Variants in SHLD2 observed in about 807,000 individuals in gnomAD.
The protein encoded by SHLD2 is RINN1-REV7-interacting novel NHEJ regulator 2.
A neutral mutation model predicts 73.2 loss-of-function variants in SHLD2; 30 were observed. The observed-to-expected ratio is 0.41, with a 90% CI of 0.31 to 0.56. The LOEUF is 0.56. Among genes scored for constraint, SHLD2 ranks in the 20% least tolerant of loss-of-function variants. SHLD2 has a pLI of 0.28. For missense variants in SHLD2, 745 were observed against 1,055.9 expected, an observed-to-expected ratio of 0.71 and a Z score of 4.08; for synonymous variants, 285 against 370.1, an observed-to-expected ratio of 0.77 and a Z score of 2.64.
upstream of SHLD2, chr10:87,094,795 G>T: frequency 6.6e-7 from 1 of 1,513,092 alleles, no homozygotes; most frequent in Non-Finnish European, 8.9e-7. This position sits in a 1 kb window ranked among gnomAD's most constrained non-coding sequence, Gnocchi z 6.6. Context: ...GGAGGTGCGT[G>T]ATGGTCGCGA....
Position 87,101,621 on chromosome 10 carries a change from A to T in SHLD2, c.-6+4632A>T, listed in dbSNP as rs1842271039. Among the ~76,000 whole-genome samples, 8 of 152,316 alleles carry T rather than the reference A, an allele frequency of 5.3e-5. No individual in the cohort carries two copies. In the South Asian group the frequency reaches 1.7e-3, roughly 32 times the overall value. ...CACTGTGAATATATCGAATTACAAT[A>T]GTTTAGGCTGGGCATGGTGGCTCAC... is the stretch of plus-strand genomic sequence containing the variant. On this transcript the variant is annotated intron_variant, in intron 2 of 9. Transcript: ENST00000298786.
intron 6 of SHLD2, among the ~76,000 whole-genome samples, chr10:87,172,931 A>C (rs1476153226): frequency 6.6e-6 from 1 of 151,888 alleles, no homozygotes; most frequent in African/African-American, 2.4e-5. Flanking sequence ...TTATACCTTT[A>C]GTTTGAATTT....
At chr10:87,143,278 G>A (rs1564594474) in intron 2 of SHLD2, among the ~76,000 whole-genome samples, 1 of 152,028 alleles carries the variant, frequency 6.6e-6, no homozygotes, top group Non-Finnish European at 1.5e-5. Context: ...TGGATGGGGA[G>A]GTGAAGTGTG....
intron 2 of SHLD2, among the ~76,000 whole-genome samples, chr10:87,099,667 C>T (rs1842141074): frequency 6.6e-6 from 1 of 152,174 alleles, no homozygotes; most frequent in African/African-American, 2.4e-5. Context: ...TGCGTTTATA[C>T]CTAGGAATGG....
intron 2 of SHLD2, among the ~76,000 whole-genome samples, chr10:87,102,733 T>A (rs1164530905): frequency 2.0e-5 from 3 of 152,028 alleles, no homozygotes; most frequent in Non-Finnish European, 2.9e-5. Context: ...AAAAAATTTT[T>A]AAAAATTGTT....
intron 2 of SHLD2, among the ~76,000 whole-genome samples, chr10:87,114,856 T>C (rs1843146215): frequency 2.0e-5 from 3 of 152,166 alleles, no homozygotes; most frequent in East Asian, 1.9e-4. Flanking sequence ...TAGTTTGATA[T>C]GAGAGGTGAG....
intron 6 of SHLD2, among the ~76,000 whole-genome samples, chr10:87,174,969 T>G (rs61858938): frequency 6.6e-6 from 1 of 151,680 alleles, no homozygotes; most frequent in Non-Finnish European, 1.5e-5. Flanking sequence ...CAAAAAAATT[T>G]AGCCGGGCGT....
At chr10:87,148,261 TAATGTTG>T (rs1259574551) in intron 2 of SHLD2, among the ~76,000 whole-genome samples, 2 of 152,226 alleles carry the variant, frequency 1.3e-5, no homozygotes, top group African/African-American at 2.4e-5. Context: ...GCCCAGCACG[TAATGTTG>T]AATGTTTGTT....
chr10:87,111,103 A>G (rs1490089515), intron 2 of SHLD2, among the ~76,000 whole-genome samples: 1 of 151,980 alleles, frequency 6.6e-6, no homozygotes, highest in Non-Finnish European at 1.5e-5. Context: ...TGGCCTCCCA[A>G]CGTGCTGGGA....
In SHLD2 at chr10:87,152,054, C is replaced by T. The variant is rs762983981; in HGVS notation, c.700C>T (p.Leu234Phe). The T allele has an allele frequency of 1.9e-6, 3 of 1,611,838 alleles. No individual in the cohort carries two copies. The highest frequency in any genetic ancestry group is 1.7e-6 in the Non-Finnish European group (2 of 1,179,796). The change falls in exon 3 of 10, where the codon CTT becomes TTT. Residue 234 changes from leucine to phenylalanine, a missense_variant. Coordinates refer to ENST00000298786, the MANE Select transcript of SHLD2 (RefSeq NM_001330112.2). ...AGCAGCAGTTAGGAAGGTCTCAGAC[C>T]TTAAAATATCAACTGATACAGAATT... ...SEAAVRKVSD[L>F]KISTDTEFLS...
rs1439014637 is a variant in SHLD2 at position 87,112,121 on chromosome 10, C to T, written c.-6+15132C>T. On this transcript the variant is annotated intron_variant, in intron 2 of 9. Transcript: ENST00000298786. ...GGTGTAGTGGCGGGTGCCTGTAGTCCCAGCTACTCGGGAGGCTGAGGCAGG... is the reference window on the plus strand; with the variant it reads ...GGTGTAGTGGCGGGTGCCTGTAGTCTCAGCTACTCGGGAGGCTGAGGCAGG... 4.6e-5 allele frequency among the ~76,000 whole-genome samples: 7 copies of T among 151,386 alleles called. No homozygotes were observed. The East Asian group carries it at 9.8e-4, about 21-fold the overall frequency.
intron 2 of SHLD2, among the ~76,000 whole-genome samples, chr10:87,143,232 C>T (rs1305531785): frequency 6.6e-6 from 1 of 152,068 alleles, no homozygotes; most frequent in Non-Finnish European, 1.5e-5. Flanking sequence ...AGCCACTATG[C>T]GTGGCCAAAT....
At chr10:87,132,764 A>G (rs1223293667) in intron 2 of SHLD2, among the ~76,000 whole-genome samples, 1 of 151,904 alleles carries the variant, frequency 6.6e-6, no homozygotes, top group Non-Finnish European at 1.5e-5. Context: ...ACAGGACAAG[A>G]CCCTGTCTCA....
chr10:87,121,160 T>G (rs1309959457), intron 2 of SHLD2, among the ~76,000 whole-genome samples: 1 of 152,206 alleles, frequency 6.6e-6, no homozygotes, highest in African/African-American at 2.4e-5. Flanking sequence ...GGTCTTACTC[T>G]GTGGCCCAGG....
chr10:87,129,036 G>A (rs1232234934), intron 2 of SHLD2, among the ~76,000 whole-genome samples: 2 of 152,056 alleles, frequency 1.3e-5, no homozygotes, highest in African/African-American at 2.4e-5. Context: ...CTACCCAGTA[G>A]CTGGAATTAC....
At chr10:87,094,794 T>C (rs767074206), upstream of SHLD2, 7 of 1,514,808 alleles carry the variant, frequency 4.6e-6, no homozygotes, top group African/African-American at 2.9e-5. This position sits in a 1 kb window ranked among gnomAD's most constrained non-coding sequence, Gnocchi z 6.6. Context: ...GGGAGGTGCG[T>C]GATGGTCGCG....
chr10:87,156,989 G>C (rs1846477635), intron 3 of SHLD2, among the ~76,000 whole-genome samples: 1 of 152,320 alleles, frequency 6.6e-6, no homozygotes, highest in East Asian at 1.9e-4. Context: ...TAAAACAGTA[G>C]TAGTGGTGGG....
intron 2 of SHLD2, among the ~76,000 whole-genome samples, chr10:87,102,879 A>G (rs1055451582): frequency 2.6e-5 from 4 of 151,908 alleles, no homozygotes; most frequent in African/African-American, 9.7e-5. Context: ...TTTTAAAGAG[A>G]TTACTTTTTC....
intron 4 of SHLD2, among the ~76,000 whole-genome samples, chr10:87,162,520 C>T (rs1301416433): frequency 6.6e-6 from 1 of 151,948 alleles, no homozygotes; most frequent in African/African-American, 2.4e-5. Flanking sequence ...ATAGTGAGAC[C>T]CTGTCTCTAC....
Sources: gnomAD v4.1 joint callset for allele counts (sites outside exome capture counted in the v4.1 genomes callset) on GRCh38, gnomAD v4.1.1 for gene constraint, Gnocchi (gnomAD v3.1) non-coding constraint, MANE v1.5 for transcripts, NCBI Gene and HGNC (gene_info 2026-07-23, HGNC 2026-07-21) for gene names.